Variants in GLB1 observed in about 807,000 individuals in gnomAD.
GLB1 encodes beta-galactosidase.
In GLB1, 56 loss-of-function variants were observed where a neutral mutation model predicts 74.0. The ratio of observed to expected loss-of-function variants is 0.76; its 90% confidence interval spans 0.61 to 0.94. The LOEUF (loss-of-function observed/expected upper bound fraction) is 0.94, where lower values mean the gene tolerates loss of function less well. Ranked by LOEUF, GLB1 falls within the 40% of genes least tolerant of loss-of-function variation. The pLI is 0.00. For missense variants in GLB1, 787 were observed against 845.5 expected, an observed-to-expected ratio of 0.93 and a Z score of 0.86; for synonymous variants, 323 against 323.6, an observed-to-expected ratio of 1.00 and a Z score of 0.02.
rs369156171 is a variant in GLB1, at chr3:33,016,808, C to T, written c.1380G>A (p.Val460=). 2 of 1,614,022 alleles carry T rather than the reference C, an allele frequency of 1.2e-6. No individual in the cohort carries two copies. The highest frequency in any genetic ancestry group is 2.7e-5 in the African/African-American group (2 of 74,936). The change falls in exon 14 of 16, where the codon GTG becomes GTA. Residue 460 remains valine, a synonymous_variant. Transcript: ENST00000307363. ...CTTTCCCTGTTATGTTCAGAGTGAT[C>T]ACATTGTTTCGCTCAAGGACTCCCT... ...IPQGVLERNN[V]ITLNITGKAG...
Position 33,093,209 on chromosome 3 carries a change from G to T in GLB1, c.75+3802C>A, listed in dbSNP as rs1335939186. On this transcript the variant is annotated intron_variant, in intron 1 of 15. Transcript: ENST00000307363. The surrounding 1 kb of genome is among the most constrained non-coding windows in gnomAD (Gnocchi z 6.0). ...CAATATCGTCCACCCCAGCCAAGCA[G>T]ATCCAGTCCTCATCCTCACTCCCAC... is the stretch of plus-strand genomic sequence containing the variant. 8 of 1,613,772 alleles carry T rather than the reference G, an allele frequency of 5.0e-6. No individual in the cohort carries two copies. The highest frequency in any genetic ancestry group is 2.2e-5 in the East Asian group (1 of 44,894).
intron 10 of GLB1, among the ~76,000 whole-genome samples, chr3:33,027,253 G>A (rs951990160): frequency 5.9e-5 from 9 of 152,254 alleles, no homozygotes; most frequent in Admixed American, 1.3e-4. Context: ...GCGCCTGTGC[G>A]GGCAACCTGG....
At chr3:33,015,176 G>A (rs1575411553) in intron 14 of GLB1, among the ~76,000 whole-genome samples, 1 of 152,148 alleles carries the variant, frequency 6.6e-6, no homozygotes. Flanking sequence ...GGGGACAGAA[G>A]GAATGAGTGA....
the GLB1 span, among the ~76,000 whole-genome samples, chr3:32,971,277 T>C: frequency 6.6e-6 from 1 of 152,192 alleles, no homozygotes; most frequent in African/African-American, 2.4e-5. Context: ...TATGAGTTGA[T>C]AGACAAGGAG....
At chr3:33,039,697 C>T (rs1698425783) in intron 10 of GLB1, among the ~76,000 whole-genome samples, 1 of 152,110 alleles carries the variant, frequency 6.6e-6, no homozygotes, top group Non-Finnish European at 1.5e-5. Flanking sequence ...ACGAAGTAAA[C>T]ATAACATTGG....
chr3:32,967,174 AG>A, the GLB1 span, among the ~76,000 whole-genome samples: 1 of 152,240 alleles, frequency 6.6e-6, no homozygotes, highest in African/African-American at 2.4e-5. Context: ...GAGATTGAAA[AG>A]GAAGAAGCAA....
the GLB1 span, among the ~76,000 whole-genome samples, chr3:32,980,455 A>G: frequency 1.3e-5 from 2 of 152,230 alleles, no homozygotes; most frequent in Admixed American, 6.5e-5. Context: ...TGTTAGCTGT[A>G]TCTCATGAGT....
intron 7 of GLB1, 97 bp from the exon 8 acceptor site, chr3:33,052,101 G>C (rs1166654400): frequency 6.3e-7 from 1 of 1,593,626 alleles, no homozygotes; most frequent in Non-Finnish European, 8.5e-7. Context: ...GTGTAAAGGG[G>C]GTTGACATGC....
At chr3:33,012,331 C>G (rs1157687511) in intron 15 of GLB1, among the ~76,000 whole-genome samples, 2 of 152,184 alleles carry the variant, frequency 1.3e-5, no homozygotes, top group Admixed American at 6.5e-5. Context: ...TGTTAAAATT[C>G]TAGCCCCCAT....
At chr3:32,967,544 A>C in the GLB1 span, among the ~76,000 whole-genome samples, 1 of 152,256 alleles carries the variant, frequency 6.6e-6, no homozygotes, top group Non-Finnish European at 1.5e-5. Context: ...CTCTACCCAC[A>C]AAATGCTTAA....
rs1699863633 is a variant in GLB1 at position 33,070,850 on chromosome 3, A to C, written c.245+1694T>G. Among the ~76,000 whole-genome samples, 5 of 152,294 alleles carry C rather than the reference A, an allele frequency of 3.3e-5. No homozygotes were observed. In the South Asian group the frequency reaches 1.0e-3, roughly 32 times the overall value. ...ACAGAGCAAGACCCCAGCTCTAAAA[A>C]ATTGTTTTAATAAATAAAAATAAAA... On this transcript the variant is annotated intron_variant, in intron 2 of 15. Transcript: ENST00000307363.
chr3:33,064,427 G>A lies in GLB1; in HGVS notation c.552+1036C>T, dbSNP rs1390124623. On this transcript the variant is annotated intron_variant, in intron 5 of 15. Transcript: ENST00000307363. ...TGCATTCCAGCCTGGGCGACAGAGC[G>A]AGACTCTGTCTCCTAAAAAAAAAAA... is the stretch of plus-strand genomic sequence containing the variant. Among the ~76,000 whole-genome samples the A allele has an allele frequency of 5.0e-5, 6 of 119,348 alleles. No individual in the cohort carries two copies. The East Asian group carries it at 7.9e-4, about 16-fold the overall frequency. The allele number at this position is 119,348 out of a possible 152,430, so 78.3% of individuals were successfully genotyped here. A position where few individuals can be genotyped will look rare whatever the true frequency, so the allele number is the denominator to read the frequency against.
At chr3:32,970,226 A>G in the GLB1 span, among the ~76,000 whole-genome samples, 1 of 152,216 alleles carries the variant, frequency 6.6e-6, no homozygotes, top group Non-Finnish European at 1.5e-5. Context: ...GGTAAAGTGG[A>G]GTGCATGAAC....
At chr3:33,063,690 C>A (rs1030110547) in intron 5 of GLB1, among the ~76,000 whole-genome samples, 2 of 152,098 alleles carry the variant, frequency 1.3e-5, no homozygotes, top group Non-Finnish European at 2.9e-5. Flanking sequence ...AGGGTTTGCA[C>A]CTGAGGCCAG....
chr3:33,047,076 T>C (rs1162540801), intron 9 of GLB1, among the ~76,000 whole-genome samples: 3 of 152,202 alleles, frequency 2.0e-5, no homozygotes, highest in Non-Finnish European at 2.9e-5. Flanking sequence ...AGCTGCATCA[T>C]AGCCCCACTT....
At chr3:32,981,121 C>CAAAAA in the GLB1 span, among the ~76,000 whole-genome samples, 1 of 96,424 alleles carries the variant, frequency 1.0e-5, no homozygotes, top group Non-Finnish European at 2.1e-5. Context: ...AAAAAAAAAT[C>CAAAAA]TGGGCCCAGC....
chr3:33,035,082 G>A (rs1221029134), intron 10 of GLB1, among the ~76,000 whole-genome samples: 1 of 151,740 alleles, frequency 6.6e-6, no homozygotes, highest in Non-Finnish European at 1.5e-5. Flanking sequence ...CAAAAGGTAA[G>A]GAATGAAGAA....
At chr3:32,990,904 G>A in the GLB1 span, among the ~76,000 whole-genome samples, 1 of 152,132 alleles carries the variant, frequency 6.6e-6, no homozygotes, top group Non-Finnish European at 1.5e-5. Flanking sequence ...AACCCGGGAG[G>A]TGGAGCTTGC....
At chr3:33,042,331 A>T (rs557366388) in intron 10 of GLB1, among the ~76,000 whole-genome samples, 8 of 139,814 alleles carry the variant, frequency 5.7e-5, no homozygotes, top group African/African-American at 1.9e-4. Context: ...GCTCCATGTG[A>T]TCTGTTCCCC....
Sources: gnomAD v4.1 joint callset for allele counts (sites outside exome capture counted in the v4.1 genomes callset) on GRCh38, gnomAD v4.1.1 for gene constraint, Gnocchi (gnomAD v3.1) non-coding constraint, MANE v1.5 for transcripts, NCBI Gene and HGNC (gene_info 2026-07-23, HGNC 2026-07-21) for gene names.